CNBD2: variants seen among roughly 807,000 people sequenced by gnomAD.
CNBD2 encodes cyclic nucleotide-binding domain-containing protein 2.
CNBD2 carries 64 observed loss-of-function variants against 63.7 expected under a neutral mutation model. That is an observed-to-expected ratio of 1.00 (90% confidence interval 0.82 to 1.24). The LOEUF is 1.24. Among genes scored for constraint, CNBD2 ranks in the 50% most tolerant of loss-of-function variants. CNBD2 has a pLI of 0.00. For synonymous variants in CNBD2, 229 were observed against 255.4 expected, an observed-to-expected ratio of 0.90 and a Z score of 0.99; for missense variants, 691 against 713.5, an observed-to-expected ratio of 0.97 and a Z score of 0.36.
intron 7 of CNBD2, among the ~76,000 whole-genome samples, chr20:35,988,784 A>G (rs2056703564): frequency 6.6e-6 from 1 of 151,996 alleles, no homozygotes. Context: ...CAGGATGTAC[A>G]TTTTTGTTGG....
chr20:35,969,051 C>T (rs139996420), intron 1 of CNBD2, among the ~76,000 whole-genome samples: 27 of 152,298 alleles, frequency 1.8e-4, no homozygotes, highest in Non-Finnish European at 3.2e-4. Context: ...ACCCACTCTT[C>T]CTGCTATTAT....
At chr20:35,986,542 T>C (rs2056670170) in intron 6 of CNBD2, among the ~76,000 whole-genome samples, 1 of 152,134 alleles carries the variant, frequency 6.6e-6, no homozygotes, top group Non-Finnish European at 1.5e-5. Context: ...TGGTGCGTGG[T>C]AGGTACTTCT....
At chr20:35,975,467 A>AT (rs11481606) in intron 2 of CNBD2, among the ~76,000 whole-genome samples, 16,267 of 101,440 alleles carry the variant, frequency 0.16, 1,110 homozygotes, top group African/African-American at 0.27. Flanking sequence ...CGCCCGGCTA[A>AT]TTTTTTGTAT....
At chr20:35,971,837 A>C (rs2056423425) in intron 1 of CNBD2, among the ~76,000 whole-genome samples, 1 of 152,108 alleles carries the variant, frequency 6.6e-6, no homozygotes, top group African/African-American at 2.4e-5. Flanking sequence ...TTTCATCATG[A>C]AATTGACTTT....
intron 1 of CNBD2, among the ~76,000 whole-genome samples, chr20:35,971,421 TC>T (rs2056416272): frequency 6.6e-6 from 1 of 152,136 alleles, no homozygotes; most frequent in Admixed American, 6.5e-5. Context: ...ATATTCAATT[TC>T]CTTATTTGTC....
chr20:35,983,985 TG>T lies in CNBD2; in HGVS notation c.413del (p.Gly138ValfsTer5). The T allele has an allele frequency of 6.2e-7, 1 of 1,614,188 alleles. No individual in the cohort carries two copies. Among genetic ancestry groups the T allele is most frequent in the Non-Finnish European group, 8.5e-7 (1 of 1,180,018 alleles). The stretch of plus-strand genomic sequence containing the variant: ...ACTAGCAGTGGTCTTTTCCCAGGTT[TG>T]GTCGCAGGCGTGTGATCATCAAGAA... ...LAKVMRFERF[G>X]RRRVIIKKGQ... On this transcript the variant is annotated frameshift_variant, in exon 5 of 12. Coordinates refer to ENST00000373973, the MANE Select transcript of CNBD2 (RefSeq NM_001365709.1). LOFTEE classifies it high-confidence loss of function.
At chr20:35,965,174 CCT>C (rs1319979318), upstream of CNBD2, among the ~76,000 whole-genome samples, 24 of 151,266 alleles carry the variant, frequency 1.6e-4, no homozygotes, top group Non-Finnish European at 3.4e-4. Context: ...CTTCTCTCTC[CCT>C]CTCTCTCTTT....
At chr20:35,978,651 C>T (rs535556300) in intron 3 of CNBD2, among the ~76,000 whole-genome samples, 1 of 152,082 alleles carries the variant, frequency 6.6e-6, no homozygotes, top group Admixed American at 6.6e-5. Flanking sequence ...GCCCAATGCC[C>T]AGCTAATTCT....
chr20:36,027,090 G>T (rs545277347), intron 11 of CNBD2, among the ~76,000 whole-genome samples: 2 of 152,212 alleles, frequency 1.3e-5, no homozygotes, highest in Non-Finnish European at 2.9e-5. Flanking sequence ...ATCCCAGTTA[G>T]CATCTTCTGT....
chr20:36,027,271 G>T (rs1320954634), intron 11 of CNBD2, among the ~76,000 whole-genome samples: 1 of 152,166 alleles, frequency 6.6e-6, no homozygotes, highest in Non-Finnish European at 1.5e-5. Context: ...TGATTCCAAT[G>T]GTAGAGAAAG....
chr20:35,985,326 C>T (rs2056653427), intron 6 of CNBD2, among the ~76,000 whole-genome samples: 1 of 151,472 alleles, frequency 6.6e-6, no homozygotes, highest in Non-Finnish European at 1.5e-5. Context: ...CTGCCACATC[C>T]AGCTAATTGT....
At position 35,978,446 on chromosome 20, in the gene CNBD2, G is replaced by A. The variant is rs55883412; in HGVS notation, c.244-2013G>A. On this transcript the variant is annotated intron_variant, in intron 3 of 11. Transcript: ENST00000373973. ...TACAAGCTCTGCCTCCCGGGTTCAC[G>A]CCATTCTCTTGCCTCAGCCTCCTGA... Among the ~76,000 whole-genome samples the A allele has an allele frequency of 6.6e-3, 1,001 of 151,416 alleles. 13 individuals carry two copies. The highest frequency in any genetic ancestry group is 0.065 in the East Asian group (331 of 5,124).
intron 11 of CNBD2, among the ~76,000 whole-genome samples, chr20:36,024,845 G>T (rs1351818931): frequency 2.6e-5 from 4 of 152,204 alleles, no homozygotes; most frequent in African/African-American, 9.6e-5. Flanking sequence ...TGAGGCAGGA[G>T]AGTCACTTGA....
At chr20:36,006,952 G>A (rs1568908258) in intron 8 of CNBD2, among the ~76,000 whole-genome samples, 3 of 152,122 alleles carry the variant, frequency 2.0e-5, no homozygotes, top group Non-Finnish European at 4.4e-5. Flanking sequence ...CACTCTGGGA[G>A]GCCGAGGCAG....
At chr20:35,970,224 T>C (rs576364201) in intron 1 of CNBD2, among the ~76,000 whole-genome samples, 1 of 152,342 alleles carries the variant, frequency 6.6e-6, no homozygotes, top group South Asian at 2.1e-4. Context: ...CTCATTTTGC[T>C]ATTGGGTTAT....
Position 36,030,525 on chromosome 20 carries a change from C to T in CNBD2, c.1608C>T (p.Ser536=). 1 of 1,614,172 alleles carries T rather than the reference C, an allele frequency of 6.2e-7. No individual in the cohort carries two copies. ...AGTCTGTGGTCCTGGATTTGTGCAG[C>T]ATCAACAAGACGACTAAACCTCGTT... ...NPKSVVLDLC[S]INKTTKPRYP... The change falls in exon 12 of 12, where the codon AGC becomes AGT. Residue 536 remains serine (S), a synonymous_variant. Coordinates refer to ENST00000373973, the MANE Select transcript of CNBD2 (RefSeq NM_001365709.1).
At chr20:36,019,514 C>G (rs1273361841) in intron 10 of CNBD2, among the ~76,000 whole-genome samples, 1 of 124,612 alleles carries the variant, frequency 8.0e-6, no homozygotes, top group Non-Finnish European at 1.6e-5. Context: ...AGAGTGAGAC[C>G]TTGTCTCAAA....
At chr20:35,998,797 C>T (rs544718540) in intron 8 of CNBD2, among the ~76,000 whole-genome samples, 6 of 147,558 alleles carry the variant, frequency 4.1e-5, no homozygotes, top group Middle Eastern at 3.7e-3. Context: ...TGCTTGAACC[C>T]GGGAGGCAGA....
Position 35,989,896 on chromosome 20 carries a change from G to A in CNBD2, c.855+2363G>A, listed in dbSNP as rs935751228. The stretch of plus-strand genomic sequence containing the variant: ...GAGAGAGAGAGAGAGAGAGAAGAGG[G>A]GAGGGGAGGGGAGGGGGAAGAAAGG... On this transcript the variant is annotated intron_variant, in intron 7 of 11. Transcript: ENST00000373973. 5.9e-5 allele frequency among the ~76,000 whole-genome samples: 8 copies of A among 136,028 alleles called. No homozygotes were observed. In the South Asian group the frequency reaches 1.0e-3, roughly 18 times the overall value. The allele number at this position is 136,028 out of a possible 152,430, so 89.2% of individuals were successfully genotyped here. A position where few individuals can be genotyped will look rare whatever the true frequency, so the allele number is the denominator to read the frequency against.
Sources: allele counts gnomAD v4.1 joint callset (sites outside exome capture counted in the v4.1 genomes callset), GRCh38; gene constraint gnomAD v4.1.1; transcripts MANE v1.5; gene names NCBI Gene and HGNC (gene_info 2026-07-23, HGNC 2026-07-21).